Variants in DHRS12 observed in about 807,000 individuals in gnomAD.
DHRS12 encodes the protein dehydrogenase/reductase 12, also known as dehydrogenase/reductase SDR family member 12.
Under a neutral mutation model 32.1 loss-of-function variants are expected in DHRS12, and 29 were observed. That is an observed-to-expected ratio of 0.90 (90% confidence interval 0.67 to 1.23). The LOEUF is 1.23. Among genes scored for constraint, DHRS12 ranks in the 50% most tolerant of loss-of-function variants. The pLI is 0.00. For missense variants in DHRS12, 330 were observed against 337.2 expected (o/e 0.98, Z 0.17); for synonymous variants, 150 against 135.9 (o/e 1.10, Z -0.72).
intron 2 of DHRS12, among the ~76,000 whole-genome samples, chr13:51,799,160 G>A (rs1019786282): frequency 1.3e-5 from 2 of 152,186 alleles, no homozygotes; most frequent in Non-Finnish European, 2.9e-5. Flanking sequence ...CACCCCAGGA[G>A]AGTCTCATTG....
At chr13:51,760,854 CACTT>C in the DHRS12 span, 22 of 152,470 alleles carry the variant, frequency 1.4e-4, no homozygotes, top group South Asian at 1.0e-3. Flanking sequence ...CAGGCAGTAA[CACTT>C]GCTTGCCCAC....
the DHRS12 span, among the ~76,000 whole-genome samples, chr13:51,755,994 G>A: frequency 6.6e-6 from 1 of 151,790 alleles, no homozygotes; most frequent in Non-Finnish European, 1.5e-5. Context: ...ATAATCTCCT[G>A]AGACGGCAGT....
chr13:51,803,798 T>A, intron 1 of DHRS12: 1 of 324,318 alleles, frequency 3.1e-6, no homozygotes, highest in Non-Finnish European at 5.5e-6. Context: ...GGGACGGCCC[T>A]GGGCTTGGGC....
chr13:51,768,990 C>G, intron 8 of DHRS12, 166 bp downstream of exon 8: 2 of 1,419,660 alleles, frequency 1.4e-6, no homozygotes, highest in Admixed American at 6.2e-5. Flanking sequence ...AAGCGCTTCC[C>G]AAAACTAACC....
chr13:51,793,140 T>C (rs1955356641), intron 2 of DHRS12, among the ~76,000 whole-genome samples: 1 of 152,204 alleles, frequency 6.6e-6, no homozygotes, highest in African/African-American at 2.4e-5. Context: ...TTTCTCCTTA[T>C]GGTATTACAC....
At chr13:51,761,466 C>T in the DHRS12 span, 1 of 152,200 alleles carries the variant, frequency 6.6e-6, no homozygotes, top group Non-Finnish European at 1.5e-5. Flanking sequence ...TCAGGGAGCT[C>T]ACCAGTCTCT....
At chr13:51,766,454 TTCAGGGGG>T (rs1398959800), downstream of DHRS12, 5 of 152,242 alleles carry the variant, frequency 3.3e-5, no homozygotes, top group African/African-American at 1.2e-4. Flanking sequence ...GAGGAGATTC[TTCAGGGGG>T]TCAGGCTGAG....
downstream of DHRS12, chr13:51,767,935 T>C (rs184147051): frequency 9.3e-5 from 118 of 1,275,088 alleles, no homozygotes; most frequent in African/African-American, 1.4e-3. Flanking sequence ...TCGAATTCTT[T>C]AGAAAACCAT....
At chr13:51,769,418 T>G in intron 7 of DHRS12, 125 bp from the exon 8 acceptor site, 1 of 835,042 alleles carries the variant, frequency 1.2e-6, no homozygotes. Context: ...TCCTTCTATT[T>G]TATAGCACTC....
chr13:51,767,787 G>A (rs1389392039), downstream of DHRS12: 3 of 98,476 alleles, frequency 3.0e-5, no homozygotes, highest in Middle Eastern at 3.9e-3. Flanking sequence ...GGGGCGGGGG[G>A]GGGGGGGGGG....
chr13:51,774,232 T>G (rs1954205355), intron 5 of DHRS12, 198 bp from the exon 6 acceptor site: 1 of 526,518 alleles, frequency 1.9e-6, no homozygotes. Context: ...AGTACATGTA[T>G]TCTCCTACAG....
chr13:51,771,765 C>T, intron 7 of DHRS12, 56 bp downstream of exon 7: 1 of 1,589,540 alleles, frequency 6.3e-7, no homozygotes, highest in East Asian at 2.2e-5. Context: ...CCTGCGGCTG[C>T]TCAGGTATTT....
At chr13:51,797,322 A>G (rs1372486680) in intron 2 of DHRS12, among the ~76,000 whole-genome samples, 4 of 152,198 alleles carry the variant, frequency 2.6e-5, no homozygotes, top group African/African-American at 9.7e-5. Context: ...AGCCCCACTA[A>G]TTATGTAGCC....
At chr13:51,773,054 C>G in intron 6 of DHRS12, 1 of 985,416 alleles carries the variant, frequency 1.0e-6, no homozygotes, top group Non-Finnish European at 1.2e-6. Flanking sequence ...AATTTAAGGG[C>G]AAGAACTGTA....
chr13:51,770,102 A>G (rs1372211270), intron 7 of DHRS12, among the ~76,000 whole-genome samples: 23 of 152,286 alleles, frequency 1.5e-4, no homozygotes, highest in Non-Finnish European at 2.9e-5. Flanking sequence ...TTTTAGAGCT[A>G]GAAAGGATCA....
chr13:51,777,973 G>A (rs1954520821), intron 4 of DHRS12, among the ~76,000 whole-genome samples: 1 of 152,222 alleles, frequency 6.6e-6, no homozygotes, highest in South Asian at 2.1e-4. Context: ...AAAGTGGCGA[G>A]CCCTGGGCTC....
At chr13:51,758,653 C>T in the DHRS12 span, among the ~76,000 whole-genome samples, 1 of 151,804 alleles carries the variant, frequency 6.6e-6, no homozygotes, top group Non-Finnish European at 1.5e-5. Flanking sequence ...ACTGGCTCTA[C>T]ACAAAGAAAT....
chr13:51,762,140 C>G, the DHRS12 span: 1 of 152,250 alleles, frequency 6.6e-6, no homozygotes, highest in Non-Finnish European at 1.5e-5. Flanking sequence ...ACTCCATTTT[C>G]CCTTCCTAAA....
chr13:51,773,228 C>G (rs879232694), intron 6 of DHRS12, among the ~76,000 whole-genome samples: 2 of 152,106 alleles, frequency 1.3e-5, no homozygotes, highest in Admixed American at 1.3e-4. Flanking sequence ...AACGAGATAT[C>G]TTGGGGATAG....
Sources: allele counts gnomAD v4.1 joint callset (sites outside exome capture counted in the v4.1 genomes callset), GRCh38; gene constraint gnomAD v4.1.1; transcripts MANE v1.5; gene names NCBI Gene and HGNC (gene_info 2026-07-23, HGNC 2026-07-21).